Variants in NOXA1 observed in about 807,000 individuals in gnomAD.
NOXA1 encodes NADPH oxidase activator 1, also known as NCF2-like protein.
A neutral mutation model predicts 64.8 loss-of-function variants in NOXA1; 56 were observed. That is an observed-to-expected ratio of 0.86 (90% CI 0.70 to 1.08). NOXA1 has a LOEUF of 1.08. Among genes scored for constraint, NOXA1 ranks in the 50% least tolerant of loss-of-function variants. The pLI is 0.00. For missense variants in NOXA1, 668 were observed against 658.5 expected (o/e 1.01, Z -0.16); for synonymous variants, 295 against 294.8 (o/e 1.00, Z -0.01).
At chr9:137,430,135 G>A (rs1325974703) in intron 5 of NOXA1, among the ~76,000 whole-genome samples, 2 of 149,546 alleles carry the variant, frequency 1.3e-5, no homozygotes, top group African/African-American at 2.5e-5. Flanking sequence ...CACAGATAGC[G>A]AGGTCCCTGG....
In NOXA1 at chr9:137,431,237, TC is replaced by T; in HGVS notation, c.703del (p.Leu235Ter). The T allele has an allele frequency of 1.9e-6, 3 of 1,612,060 alleles. No homozygotes were observed. The highest frequency in any genetic ancestry group is 2.2e-5 in the East Asian group (1 of 44,840). On this transcript the variant is annotated frameshift_variant and splice_region_variant, in exon 8 of 14. Transcript: ENST00000683555. LOFTEE classifies it high-confidence loss of function. The surrounding 1 kb of genome is among the most constrained non-coding windows in gnomAD (Gnocchi z 5.6). ...QGPGANHDAR[S>X]LIMDSPRAGT... is the part of the protein sequence containing the mutation. ...TGAGAGCCTCCCTCCTCTCCCTAGG[TC>T]CCTAATCATGGACTCCCCAAGAGCT...
chr9:137,428,118 C>G lies in NOXA1; in HGVS notation c.346C>G (p.Arg116Gly), dbSNP rs146657444. The change falls in exon 3 of 14, where the codon CGG becomes GGG. Residue 116 changes from arginine to glycine, a missense_variant. Arg to Gly is a moderately radical substitution (Grantham distance 125, BLOSUM62 -2). Coordinates refer to ENST00000683555, the MANE Select transcript of NOXA1 (RefSeq NM_001256067.2). The stretch of plus-strand genomic sequence containing the variant: ...CATCGACTACACGCAGCTGGGCCTG[C>G]GGTTCAAGCTGCAAGCCTGGGAGGT... ...AAIDYTQLGL[R>G]FKLQAWEVLH... 7.7e-5 allele frequency: 121 copies of G among 1,573,940 alleles called. No individual in the cohort carries two copies. In the South Asian group the frequency reaches 1.3e-3, roughly 17 times the overall value.
intron 3 of NOXA1, 83 bp downstream of exon 3, chr9:137,428,224 T>A: frequency 1.0e-6 from 1 of 997,394 alleles, no homozygotes; most frequent in Non-Finnish European, 1.5e-6. Flanking sequence ...CCCTGTGGAC[T>A]GGGGAGCGCC....
intron 5 of NOXA1, 21 bp from the exon 6 acceptor site, chr9:137,430,763 C>A: frequency 6.3e-7 from 1 of 1,586,050 alleles, no homozygotes; most frequent in Non-Finnish European, 8.5e-7. Flanking sequence ...CCTGACCCAG[C>A]GTCCCCACTG....
intron 5 of NOXA1, 38 bp downstream of exon 5, chr9:137,429,421 G>C: frequency 7.1e-7 from 1 of 1,414,050 alleles, no homozygotes; most frequent in Non-Finnish European, 9.8e-7. Flanking sequence ...ATGGCGGCTG[G>C]TGCTGAGCCC....
chr9:137,428,982 T>C lies in NOXA1; in HGVS notation c.470T>C (p.Leu157Pro). 1 of 1,596,532 alleles carries C rather than the reference T, an allele frequency of 6.3e-7. No homozygotes were observed. The highest frequency in any genetic ancestry group is 8.5e-7 in the Non-Finnish European group (1 of 1,171,690). The change falls in exon 4 of 14, where the codon CTG becomes CCG. Residue 157 changes from leucine (L) to proline (P), a missense_variant. Transcript: ENST00000683555. ...EAMSKWPEGSLNGLDSALDQV... is the reference protein window; with the variant it reads ...EAMSKWPEGSPNGLDSALDQV... ...ATGTCCAAGTGGCCGGAGGGGTCCC[T>C]GAATGGCCTGGACTCAGCCCTGGAC...
At position 137,430,821 on chromosome 9, in the gene NOXA1, G is replaced by C; in HGVS notation, c.650G>C (p.Gly217Ala). ...GCCATCCCCGACGACCAGGGCTGGG[G>C]CGTCCGCCCTCAGCAGCCACAGGTG... ...ASAIPDDQGW[G>A]VRPQQPQGPG... Residue 217 changes from glycine (G) to alanine (A), a missense_variant, in exon 6 of 14, where the codon GGC (glycine) becomes GCC (alanine). Coordinates refer to ENST00000683555, the MANE Select transcript of NOXA1 (RefSeq NM_001256067.2). 1 of 1,591,230 alleles carries C rather than the reference G, an allele frequency of 6.3e-7. No homozygotes were observed. Among genetic ancestry groups the C allele is most frequent in the South Asian group, 1.1e-5 (1 of 89,894 alleles).
At chr9:137,425,231 C>T (rs1838804932) in intron 1 of NOXA1, among the ~76,000 whole-genome samples, 1 of 152,178 alleles carries the variant, frequency 6.6e-6, no homozygotes, top group East Asian at 1.9e-4. Flanking sequence ...CTGATGGCCA[C>T]GGTCCCTGTT....
intron 5 of NOXA1, among the ~76,000 whole-genome samples, chr9:137,429,883 T>C (rs1235245657): frequency 1.2e-5 from 1 of 81,938 alleles, no homozygotes; most frequent in East Asian, 4.3e-4. Flanking sequence ...CTGCCACAGA[T>C]AGCGAGGTCC....
At position 137,431,339 on chromosome 9, in the gene NOXA1, C is replaced by A. The variant is rs368740251; in HGVS notation, c.802C>A (p.Gln268Lys). 1.0e-5 allele frequency: 16 copies of A among 1,607,034 alleles called. No individual in the cohort carries two copies. Among genetic ancestry groups the A allele is most frequent in the African/African-American group, 1.3e-5 (1 of 74,936 alleles). ...CTGCACGTCGACTGCCTACCAGGAGCAGGTGCGTGGGCCTGGGCCTCTTCC... is the reference window on the plus strand; with the variant it reads ...CTGCACGTCGACTGCCTACCAGGAGAAGGTGCGTGGGCCTGGGCCTCTTCC... ...DRCTSTAYQE[Q>K]RPQVEQVGKQ... The change falls in exon 8 of 14, where the codon CAG (glutamine) becomes AAG (lysine). Residue 268 changes from glutamine to lysine, a missense_variant and splice_region_variant. Physicochemically the swap from Gln to Lys is moderately conservative, Grantham distance 53. Transcript: ENST00000683555. This position sits in a 1 kb window ranked among gnomAD's most constrained non-coding sequence, Gnocchi z 5.6.
chr9:137,428,823 C>T, intron 3 of NOXA1, 59 bp from the exon 4 acceptor site: 1 of 1,492,620 alleles, frequency 6.7e-7, no homozygotes, highest in South Asian at 1.3e-5. Flanking sequence ...GGTGGGGGAA[C>T]CGGGAGAGGG....
chr9:137,424,151 C>A (rs1838724939), intron 1 of NOXA1, among the ~76,000 whole-genome samples: 1 of 152,170 alleles, frequency 6.6e-6, no homozygotes, highest in African/African-American at 2.4e-5. Flanking sequence ...TTCTCGTGCC[C>A]CCTCGCGTTC....
intron 3 of NOXA1, among the ~76,000 whole-genome samples, 182 bp from the exon 4 acceptor site, chr9:137,428,700 C>T (rs1245275743): frequency 2.6e-4 from 32 of 124,848 alleles, no homozygotes; most frequent in African/African-American, 8.1e-4. Flanking sequence ...GGTGGGGAGA[C>T]GGGGGAGAAG....
At chr9:137,429,172 T>TG in intron 4 of NOXA1, 104 bp from the exon 5 acceptor site, 1 of 1,052,368 alleles carries the variant, frequency 9.5e-7, no homozygotes, top group Non-Finnish European at 1.3e-6. Flanking sequence ...GGGAAGGGGG[T>TG]GGGGGGCCCA....
In NOXA1 at chr9:137,429,106, G is replaced by A. The variant is rs553190485; in HGVS notation, c.504+90G>A. On this transcript the variant is annotated intron_variant, in intron 4 of 13. Coordinates refer to ENST00000683555, the MANE Select transcript of NOXA1 (RefSeq NM_001256067.2). Reference sequence around the variant, plus strand: ...TCATGAGATGAAGAAGCTTCCGGAGGGAGATGGCCCTAGTGCCCAGTTTCG... The same window carrying A: ...TCATGAGATGAAGAAGCTTCCGGAGAGAGATGGCCCTAGTGCCCAGTTTCG... The A allele has an allele frequency of 7.6e-6, 11 of 1,438,752 alleles. No homozygotes were observed. The South Asian group carries it at 1.3e-4, about 17-fold the overall frequency. 89.1% of individuals were successfully genotyped at this position (1,438,752 alleles called of 1,614,324 possible).
Position 137,429,269 on chromosome 9 carries a change from C to G in NOXA1, c.505-7C>G. On this transcript the variant is annotated splice_polypyrimidine_tract_variant and splice_region_variant and intron_variant, in intron 4 of 13. Transcript: ENST00000683555. Reference sequence around the variant, plus strand: ...GTCTGCATCTGCTGGATACCCACCCCCTCCAGAGACGGGGCTCACTGCCGC... The same window carrying G: ...GTCTGCATCTGCTGGATACCCACCCGCTCCAGAGACGGGGCTCACTGCCGC... 5 of 1,538,028 alleles carry G rather than the reference C, an allele frequency of 3.3e-6. No homozygotes were observed. The highest frequency in any genetic ancestry group is 2.4e-5 in the East Asian group (1 of 41,736).
At chr9:137,433,415 C>T (rs1228050592) in intron 10 of NOXA1, 38 bp from the exon 11 acceptor site, 1 of 1,568,748 alleles carries the variant, frequency 6.4e-7, no homozygotes, top group Admixed American at 1.8e-5. Flanking sequence ...AGGCCCTGGG[C>T]CTCAGCGACC....
At position 137,431,428 on chromosome 9, in the gene NOXA1, G is replaced by C. The variant is rs1839105615; in HGVS notation, c.804+87G>C. ...GGGGACCACAATGGGACCAACATGA[G>C]GGTGGAGGGAGCAGCTCGCTGGGGG... On this transcript the variant is annotated intron_variant, in intron 8 of 13. Coordinates refer to ENST00000683555, the MANE Select transcript of NOXA1 (RefSeq NM_001256067.2). The surrounding 1 kb of genome is among the most constrained non-coding windows in gnomAD (Gnocchi z 5.6). 8.8e-7 allele frequency: 1 copy of C among 1,134,800 alleles called. No individual in the cohort carries two copies. 70.3% of individuals were successfully genotyped at this position (1,134,800 alleles called of 1,614,324 possible). A position where few individuals can be genotyped will look rare whatever the true frequency, so the allele number is the denominator to read the frequency against.
intron 8 of NOXA1, 36 bp from the exon 9 acceptor site, chr9:137,432,993 C>A (rs754515476): frequency 1.2e-6 from 2 of 1,610,730 alleles, no homozygotes; most frequent in South Asian, 1.1e-5. Context: ...CAGCACCTGA[C>A]CGCCCCAGCC....
Sources: allele counts gnomAD v4.1 joint callset (sites outside exome capture counted in the v4.1 genomes callset), GRCh38; gene constraint gnomAD v4.1.1; non-coding constraint Gnocchi (gnomAD v3.1); transcripts MANE v1.5; gene names NCBI Gene and HGNC (gene_info 2026-07-23, HGNC 2026-07-21).